The following SPRED2 variants were observed in gnomAD, a reference collection of about 807,000 sequenced individuals.
The protein encoded by SPRED2 is sprouty-related, EVH1 domain-containing protein 2.
A neutral mutation model predicts 43.0 loss-of-function variants in SPRED2; 47 were observed. That is an observed-to-expected ratio of 1.09 (90% CI 0.87 to 1.40). The LOEUF (loss-of-function observed/expected upper bound fraction) is 1.40, where lower values mean the gene tolerates loss of function less well. Ranked by LOEUF, SPRED2 falls within the 40% of genes most tolerant of loss-of-function variation. The pLI is 0.00. For synonymous variants in SPRED2, 225 were observed against 225.7 expected (o/e 1.00, Z 0.03); for missense variants, 561 against 586.4 (o/e 0.96, Z 0.45).
At chr2:65,325,572 A>G (rs1673586153) in intron 4 of SPRED2, among the ~76,000 whole-genome samples, 2 of 152,134 alleles carry the variant, frequency 1.3e-5, no homozygotes. Context: ...TTCATGTGCA[A>G]TGCCTCTCAC....
In SPRED2 at chr2:65,327,887, C is replaced by T. The variant is rs977170069; in HGVS notation, c.438+4100G>A. On this transcript the variant is annotated intron_variant, in intron 4 of 5. Coordinates refer to ENST00000356388, the MANE Select transcript of SPRED2 (RefSeq NM_181784.3). ...TACAGGGGCCCGCCATCATGCCTGG[C>T]TAATTTTTGTATTTTTAGTAGAGAT... 5.3e-5 allele frequency among the ~76,000 whole-genome samples: 8 copies of T among 151,912 alleles called. No homozygotes were observed. The South Asian group carries it at 1.0e-3, about 20-fold the overall frequency.
chr2:65,420,985 T>C (rs1187841323), intron 1 of SPRED2, among the ~76,000 whole-genome samples: 1 of 152,220 alleles, frequency 6.6e-6, no homozygotes, highest in African/African-American at 2.4e-5. Context: ...TCCTGTGATT[T>C]CTTCTAGGGC....
At chr2:65,321,321 T>A (rs1323807089) in intron 4 of SPRED2, among the ~76,000 whole-genome samples, 1 of 151,908 alleles carries the variant, frequency 6.6e-6, no homozygotes, top group Non-Finnish European at 1.5e-5. Context: ...AAATGTACCC[T>A]CTAAAAACAC....
chr2:65,325,749 T>C (rs191636160), intron 4 of SPRED2, among the ~76,000 whole-genome samples: 1 of 152,328 alleles, frequency 6.6e-6, no homozygotes, highest in Non-Finnish European at 1.5e-5. Context: ...GAGACCAGCC[T>C]GGTCAACATG....
chr2:65,405,217 C>G (rs893820854), intron 1 of SPRED2, among the ~76,000 whole-genome samples: 5 of 152,190 alleles, frequency 3.3e-5, no homozygotes, highest in African/African-American at 1.2e-4. Context: ...AGAATCAGGA[C>G]TTAATGACCT....
intron 1 of SPRED2, among the ~76,000 whole-genome samples, chr2:65,380,996 G>C (rs1185827268): frequency 6.6e-6 from 1 of 152,136 alleles, no homozygotes; most frequent in Non-Finnish European, 1.5e-5. Flanking sequence ...GCAGTTCTCT[G>C]AGGAAGGCGC....
intron 1 of SPRED2, among the ~76,000 whole-genome samples, chr2:65,430,480 G>A (rs1676650929): frequency 2.6e-5 from 4 of 152,202 alleles, no homozygotes; most frequent in African/African-American, 7.2e-5. Context: ...GATAAAGGGG[G>A]TATATTTAAT....
downstream of SPRED2, among the ~76,000 whole-genome samples, chr2:65,310,458 T>TACACACACAC (rs55916427): frequency 1.5e-4 from 21 of 137,988 alleles, no homozygotes; most frequent in African/African-American, 4.5e-4. Flanking sequence ...TCCTCCAAAC[T>TACACACACAC]ACACACACAC....
At chr2:65,404,811 T>C (rs962060116) in intron 1 of SPRED2, among the ~76,000 whole-genome samples, 3 of 152,154 alleles carry the variant, frequency 2.0e-5, no homozygotes, top group Non-Finnish European at 4.4e-5. Flanking sequence ...CAGTTATCCA[T>C]GTACTACCTC....
chr2:65,365,684 G>A (rs2104327772), intron 1 of SPRED2, among the ~76,000 whole-genome samples: 1 of 152,316 alleles, frequency 6.6e-6, no homozygotes, highest in African/African-American at 2.4e-5. Flanking sequence ...AGCATAAATA[G>A]TACTGCTATA....
chr2:65,308,444 GAAGTT>G (rs1284868566), downstream of SPRED2: 3 of 985,318 alleles, frequency 3.0e-6, no homozygotes, highest in African/African-American at 5.2e-5. Context: ...AGATCAAATA[GAAGTT>G]AAGAAATAGA....
chr2:65,338,934 G>A (rs1255309626), intron 2 of SPRED2, among the ~76,000 whole-genome samples: 1 of 151,952 alleles, frequency 6.6e-6, no homozygotes, highest in African/African-American at 2.4e-5. Context: ...GATGTGGGGA[G>A]CGCCTCTGCC....
At chr2:65,316,659 T>C in intron 5 of SPRED2, 75 bp downstream of exon 5, 13 of 1,524,452 alleles carry the variant, frequency 8.5e-6, no homozygotes, top group Non-Finnish European at 8.9e-6. Flanking sequence ...TTTGGCTGAA[T>C]AGGAGGGGAA....
chr2:65,354,172 T>TG (rs1674583855), intron 1 of SPRED2, among the ~76,000 whole-genome samples: 1 of 152,226 alleles, frequency 6.6e-6, no homozygotes, highest in Admixed American at 6.5e-5. Flanking sequence ...CCCCCGAGCC[T>TG]GGGAGCCCTG....
chr2:65,364,101 TTCCA>T (rs1168428293), intron 1 of SPRED2, among the ~76,000 whole-genome samples: 1 of 152,184 alleles, frequency 6.6e-6, no homozygotes, highest in East Asian at 1.9e-4. Flanking sequence ...CTTTCTTGAT[TTCCA>T]TCCAAGCAGA....
chr2:65,363,352 A>G (rs190819822), intron 1 of SPRED2, among the ~76,000 whole-genome samples: 5 of 152,306 alleles, frequency 3.3e-5, no homozygotes, highest in Admixed American at 3.3e-4. Context: ...GCTGTCAGCA[A>G]ACATGTACCC....
In SPRED2 at chr2:65,346,467, G is replaced by A. The variant is rs559943864; in HGVS notation, c.27-1571C>T. ...CCCCTTTCTACCTCTAGAACTTTTCGTCATTCCAAACTGAAACTCTGTACC... is the reference window on the plus strand; with the variant it reads ...CCCCTTTCTACCTCTAGAACTTTTCATCATTCCAAACTGAAACTCTGTACC... On this transcript the variant is annotated intron_variant, in intron 1 of 5. Coordinates refer to ENST00000356388, the MANE Select transcript of SPRED2 (RefSeq NM_181784.3). Among the ~76,000 whole-genome samples, 4 of 151,828 alleles carry A rather than the reference G, an allele frequency of 2.6e-5. No individual in the cohort carries two copies. In the South Asian group the frequency reaches 6.2e-4, roughly 24 times the overall value.
downstream of SPRED2, among the ~76,000 whole-genome samples, chr2:65,309,219 G>A (rs1019523253): frequency 3.3e-5 from 5 of 150,756 alleles, no homozygotes; most frequent in Non-Finnish European, 7.4e-5. Flanking sequence ...AACAAAGAAA[G>A]GGCCAGGCAT....
chr2:65,320,372 A>G (rs1207786273), intron 4 of SPRED2, among the ~76,000 whole-genome samples: 1 of 152,188 alleles, frequency 6.6e-6, no homozygotes, highest in Non-Finnish European at 1.5e-5. Context: ...CTTCTGAGAA[A>G]TGAGGCACAT....
Sources: allele counts gnomAD v4.1 joint callset (sites outside exome capture counted in the v4.1 genomes callset), GRCh38; gene constraint gnomAD v4.1.1; transcripts MANE v1.5; gene names NCBI Gene and HGNC (gene_info 2026-07-23, HGNC 2026-07-21).